MIA2: variants seen among roughly 807,000 people sequenced by gnomAD.
The protein encoded by MIA2 is melanoma inhibitory activity protein 2.
A neutral mutation model predicts 167.8 loss-of-function variants in MIA2; 127 were observed. That is an observed-to-expected ratio of 0.76 (90% CI 0.66 to 0.88). MIA2 has a LOEUF of 0.88. Among genes scored for constraint, MIA2 ranks in the 40% least tolerant of loss-of-function variants. The pLI is 0.00. For synonymous variants in MIA2, 552 were observed against 541.9 expected (o/e 1.02, Z -0.26); for missense variants, 1,690 against 1,624.7 (o/e 1.04, Z -0.69).
At chr14:39,308,688 A>C in intron 18 of MIA2, 101 bp downstream of exon 18, 1 of 968,592 alleles carries the variant, frequency 1.0e-6, no homozygotes, top group Non-Finnish European at 1.5e-6. Flanking sequence ...TTCTCAATTT[A>C]TGATTAGATT....
At chr14:39,355,764 G>T (rs942176741), downstream of MIA2, among the ~76,000 whole-genome samples, 2 of 152,082 alleles carry the variant, frequency 1.3e-5, no homozygotes, top group Non-Finnish European at 2.9e-5. Context: ...TGGCATGAAG[G>T]GCTGTTGAAT....
At chr14:39,315,516 A>G (rs2065247970) in intron 20 of MIA2, among the ~76,000 whole-genome samples, 167 bp from the exon 21 acceptor site, 1 of 152,202 alleles carries the variant, frequency 6.6e-6, no homozygotes, top group South Asian at 2.1e-4. Flanking sequence ...TTGTTTTAAA[A>G]TATAATAGAT....
At chr14:39,310,135 A>G (rs561819650) in intron 18 of MIA2, among the ~76,000 whole-genome samples, 1 of 152,290 alleles carries the variant, frequency 6.6e-6, no homozygotes, top group Non-Finnish European at 1.5e-5. Context: ...ATTCATGGAC[A>G]TATTCAGAAT....
At chr14:39,288,465 A>T (rs1268211159) in intron 9 of MIA2, among the ~76,000 whole-genome samples, 28,523 of 42,456 alleles carry the variant, frequency 0.67, 9,084 homozygotes, top group East Asian at 0.78. Flanking sequence ...ATATATATAT[A>T]TATATATATA....
At chr14:39,308,171 C>T (rs1006819784) in intron 17 of MIA2, among the ~76,000 whole-genome samples, 41 of 151,974 alleles carry the variant, frequency 2.7e-4, no homozygotes, top group Admixed American at 2.0e-4. Flanking sequence ...ATGTTAGAGG[C>T]GATGGTTATG....
intron 17 of MIA2, among the ~76,000 whole-genome samples, chr14:39,304,931 TAA>T (rs2063094821): frequency 1.3e-5 from 2 of 152,188 alleles, no homozygotes; most frequent in African/African-American, 4.8e-5. Flanking sequence ...TGAAAATTTT[TAA>T]AGTTGAGATA....
intron 23 of MIA2, among the ~76,000 whole-genome samples, chr14:39,381,042 G>A (rs562730906): frequency 6.6e-6 from 1 of 151,432 alleles, no homozygotes; most frequent in African/African-American, 2.4e-5. Flanking sequence ...AAAAACAAAG[G>A]TAACAATACA....
intron 25 of MIA2, among the ~76,000 whole-genome samples, chr14:39,338,203 A>G (rs186526690): frequency 7.2e-4 from 109 of 152,274 alleles, no homozygotes; most frequent in African/African-American, 2.5e-3. Flanking sequence ...AAATCTACAT[A>G]TGCTGTAAAA....
rs184402931 is a variant in MIA2, at chr14:39,253,387, A to G, written c.1887+216A>G. 233 of 647,062 alleles carry G rather than the reference A, an allele frequency of 3.6e-4. 1 individual carries two copies. The African/African-American group carries it at 3.9e-3, about 11-fold the overall frequency. 40.1% of individuals were successfully genotyped at this position (647,062 alleles called of 1,614,324 possible). A position where few individuals can be genotyped will look rare whatever the true frequency, so the allele number is the denominator to read the frequency against. On this transcript the variant is annotated intron_variant, in intron 6 of 28. Transcript: ENST00000640607. ...ATTTCCCTAAGTTTTGTTGATGTTG[A>G]TCTTGAGCGGTGTTTGCTTTTTACT... is the stretch of plus-strand genomic sequence containing the variant.
intron 23 of MIA2, among the ~76,000 whole-genome samples, chr14:39,378,751 C>T (rs979175011): frequency 2.0e-5 from 3 of 152,272 alleles, no homozygotes; most frequent in African/African-American, 7.2e-5. Flanking sequence ...TTTGACAATA[C>T]TTCCTGTATG....
chr14:39,318,704 G>A (rs929890793), intron 22 of MIA2, among the ~76,000 whole-genome samples: 4 of 152,078 alleles, frequency 2.6e-5, no homozygotes, highest in East Asian at 1.9e-4. Context: ...AAAAGTTTAC[G>A]AGTAAGATAG....
chr14:39,336,544 T>C (rs1310342527), intron 25 of MIA2, among the ~76,000 whole-genome samples: 1 of 152,232 alleles, frequency 6.6e-6, no homozygotes, highest in Non-Finnish European at 1.5e-5. Flanking sequence ...CTAATTCTGC[T>C]GAAGCATAGT....
At chr14:39,346,154 A>C (rs1595879165) in intron 26 of MIA2, 128 bp downstream of exon 26, 1 of 739,944 alleles carries the variant, frequency 1.4e-6, no homozygotes, top group East Asian at 2.5e-5. Flanking sequence ...CTTTCCTGAA[A>C]ATGTCCTGGT....
chr14:39,266,173 G>GTA, intron 6 of MIA2: 6 of 985,408 alleles, frequency 6.1e-6, no homozygotes, highest in Non-Finnish European at 7.2e-6. Context: ...TTAGGAGGAA[G>GTA]TATCTGCTCC....
chr14:39,344,062 T>C (rs1331978007), intron 25 of MIA2, among the ~76,000 whole-genome samples: 1 of 152,192 alleles, frequency 6.6e-6, no homozygotes, highest in Non-Finnish European at 1.5e-5. Context: ...GGACATGGGG[T>C]TTATCAAGGC....
chr14:39,286,458 AG>A (rs1455171050), intron 9 of MIA2, among the ~76,000 whole-genome samples: 2 of 151,994 alleles, frequency 1.3e-5, no homozygotes, highest in Admixed American at 1.3e-4. Context: ...GGAGAGGGAG[AG>A]GGAGATTGTT....
chr14:39,350,436 A>G lies in MIA2; in HGVS notation c.*172A>G, dbSNP rs2074264392. ...ATTTAAATATGAATCTTATGAGTAA[A>G]TTATTTCAATTTTATTTTAGACGGT... On this transcript the variant is annotated 3_prime_UTR_variant, in exon 29 of 29. Coordinates refer to ENST00000640607, the MANE Select transcript of MIA2 (RefSeq NM_001329214.4). 2.3e-6 allele frequency: 1 copy of G among 439,612 alleles called. No homozygotes were observed. The highest frequency in any genetic ancestry group is 7.8e-5 in the South Asian group (1 of 12,792). 27.2% of individuals were successfully genotyped at this position (439,612 alleles called of 1,614,324 possible). A position where few individuals can be genotyped will look rare whatever the true frequency, so the allele number is the denominator to read the frequency against.
chr14:39,270,823 T>C (rs920517072), intron 6 of MIA2, among the ~76,000 whole-genome samples: 2 of 152,230 alleles, frequency 1.3e-5, no homozygotes, highest in African/African-American at 4.8e-5. Flanking sequence ...GGTCTTTTTA[T>C]TGTTGAGTTA....
chr14:39,344,059 G>A (rs1394366566), intron 25 of MIA2, among the ~76,000 whole-genome samples: 1 of 152,150 alleles, frequency 6.6e-6, no homozygotes, highest in Non-Finnish European at 1.5e-5. Flanking sequence ...TAAGGACATG[G>A]GGTTTATCAA....
Sources: gnomAD v4.1 joint callset for allele counts (sites outside exome capture counted in the v4.1 genomes callset) on GRCh38, gnomAD v4.1.1 for gene constraint, MANE v1.5 for transcripts, NCBI Gene and HGNC (gene_info 2026-07-23, HGNC 2026-07-21) for gene names.